The following CLPB variants were observed in gnomAD, a reference collection of about 807,000 sequenced individuals.
CLPB encodes the protein ClpB family mitochondrial disaggregase.
CLPB carries 40 observed loss-of-function variants against 78.4 expected under a neutral mutation model. The observed-to-expected ratio is 0.51, with a 90% CI of 0.40 to 0.66. The LOEUF is 0.66. CLPB is among the 30% of genes least tolerant of loss of function. The probability of loss-of-function intolerance (pLI) is 0.00; values close to 1 mark genes in which losing one functional copy is unlikely to be tolerated. For synonymous variants in CLPB, 333 were observed against 348.0 expected (o/e 0.96, Z 0.48); for missense variants, 780 against 886.9 (o/e 0.88, Z 1.53).
intron 6 of CLPB, among the ~76,000 whole-genome samples, chr11:72,318,591 T>C (rs1949991550): frequency 6.6e-6 from 1 of 152,180 alleles, no homozygotes; most frequent in African/African-American, 2.4e-5. Flanking sequence ...TGGTTGCAGA[T>C]TGCTCTTGCG....
intron 9 of CLPB, among the ~76,000 whole-genome samples, chr11:72,304,515 A>G (rs1949712963): frequency 6.6e-6 from 1 of 152,242 alleles, no homozygotes; most frequent in Admixed American, 6.5e-5. Context: ...ATGATATCAC[A>G]GAACACCATT....
At position 72,286,259 on chromosome 11, in the gene CLPB, G is replaced by T; in HGVS notation, c.*7108C>A. ...TTTTTTTTTTTTTAAGAGATAGGGTGTCACTCTGCCACCCAGCCTGGAGTG... is the reference window on the plus strand; with the variant it reads ...TTTTTTTTTTTTTAAGAGATAGGGTTTCACTCTGCCACCCAGCCTGGAGTG... On this transcript the variant is annotated 3_prime_UTR_variant, in exon 16 of 16. Transcript: ENST00000538039. 1.8e-5 allele frequency: 1 copy of T among 54,904 alleles called. No individual in the cohort carries two copies. The highest frequency in any genetic ancestry group is 4.1e-5 in the Non-Finnish European group (1 of 24,562). 3.4% of individuals were successfully genotyped at this position (54,904 alleles called of 1,614,324 possible).
chr11:72,331,577 T>G (rs1456875541), intron 5 of CLPB, among the ~76,000 whole-genome samples: 10 of 131,698 alleles, frequency 7.6e-5, no homozygotes, highest in Admixed American at 5.9e-4. Flanking sequence ...TCTGTTTTTT[T>G]TTTTTTTTTT....
At chr11:72,423,998 G>A (rs988551928) in intron 2 of CLPB, among the ~76,000 whole-genome samples, 2 of 152,114 alleles carry the variant, frequency 1.3e-5, no homozygotes, top group African/African-American at 4.8e-5. Flanking sequence ...TTTGATCTAG[G>A]ACTTTGATCT....
At chr11:72,373,815 G>T (rs1951087757) in intron 4 of CLPB, among the ~76,000 whole-genome samples, 1 of 151,926 alleles carries the variant, frequency 6.6e-6, no homozygotes, top group Non-Finnish European at 1.5e-5. Context: ...ATAAAAATTA[G>T]CCGGGCGTGG....
At chr11:72,395,210 G>A (rs903391627) in intron 3 of CLPB, among the ~76,000 whole-genome samples, 1 of 152,162 alleles carries the variant, frequency 6.6e-6, no homozygotes, top group Admixed American at 6.5e-5. Flanking sequence ...TTTTCTGAGT[G>A]TCAGCTTTCT....
chr11:72,406,804 G>A (rs1024635808), intron 2 of CLPB, among the ~76,000 whole-genome samples: 2 of 152,168 alleles, frequency 1.3e-5, no homozygotes, highest in African/African-American at 4.8e-5. Flanking sequence ...CAGAGAGAGA[G>A]GTTCTTGCTT....
intron 3 of CLPB, among the ~76,000 whole-genome samples, 156 bp from the exon 4 acceptor site, chr11:72,380,540 A>G (rs1384894720): frequency 6.6e-6 from 1 of 152,208 alleles, no homozygotes; most frequent in African/African-American, 2.4e-5. Flanking sequence ...GTAAAAGACA[A>G]GGATAGGAAA....
At chr11:72,402,538 C>A (rs1208484883) in intron 3 of CLPB, among the ~76,000 whole-genome samples, 2 of 152,098 alleles carry the variant, frequency 1.3e-5, no homozygotes, top group African/African-American at 2.4e-5. Context: ...GGAAAGAAGC[C>A]CCCATCTTTC....
At chr11:72,398,814 GCTGT>G (rs1855482265) in intron 3 of CLPB, among the ~76,000 whole-genome samples, 2 of 152,280 alleles carry the variant, frequency 1.3e-5, no homozygotes, top group East Asian at 3.9e-4. Context: ...CTATACCCAA[GCTGT>G]TACTAGGGCT....
rs760060214 is a variant in CLPB at position 72,307,274 on chromosome 11, A to G, written c.1067-20T>C. ...TTTTTCCTAGTAAGAAAGAAGGGGGAGGTGTTGGGTTAGAACCAGGTGACT... is the reference window on the plus strand; with the variant it reads ...TTTTTCCTAGTAAGAAAGAAGGGGGGGGTGTTGGGTTAGAACCAGGTGACT... On this transcript the variant is annotated intron_variant, in intron 8 of 15. Coordinates refer to ENST00000538039, the MANE Select transcript of CLPB (RefSeq NM_001258392.3). 3.1e-6 allele frequency: 5 copies of G among 1,611,466 alleles called. No homozygotes were observed. In the Admixed American group the frequency reaches 6.7e-5, roughly 22 times the overall value.
At chr11:72,293,879 G>A in intron 15 of CLPB, 143 bp downstream of exon 15, 1 of 769,962 alleles carries the variant, frequency 1.3e-6, no homozygotes, top group South Asian at 1.7e-5. Context: ...ATGTGTTTAT[G>A]GTTCTGAATG....
intron 5 of CLPB, chr11:72,336,921 G>C (rs1387754694): frequency 5.1e-6 from 2 of 394,818 alleles, no homozygotes; most frequent in Non-Finnish European, 8.9e-6. Flanking sequence ...CCCAGATCCT[G>C]CCCATTCTTC....
chr11:72,398,807 T>C (rs1160434845), intron 3 of CLPB, among the ~76,000 whole-genome samples: 1 of 152,184 alleles, frequency 6.6e-6, no homozygotes, highest in African/African-American at 2.4e-5. Context: ...GTCAATACTA[T>C]ACCCAAGCTG....
At chr11:72,327,481 A>G (rs1475535269) in intron 6 of CLPB, among the ~76,000 whole-genome samples, 3 of 152,192 alleles carry the variant, frequency 2.0e-5, no homozygotes, top group Non-Finnish European at 4.4e-5. Flanking sequence ...TTAGCCCTGT[A>G]ATAATGTGGC....
chr11:72,375,102 C>T (rs1442745349), intron 4 of CLPB, among the ~76,000 whole-genome samples: 1 of 152,178 alleles, frequency 6.6e-6, no homozygotes, highest in Non-Finnish European at 1.5e-5. Context: ...TCCCAAAGAT[C>T]ACCTTTAGGA....
In CLPB at chr11:72,312,026, C is replaced by T. The variant is rs563433359; in HGVS notation, c.989-3422G>A. Among the ~76,000 whole-genome samples, 35 of 152,296 alleles carry T rather than the reference C, an allele frequency of 2.3e-4. No individual in the cohort carries two copies. The highest frequency in any genetic ancestry group is 4.6e-4 in the Non-Finnish European group (31 of 68,022). ...TATTCTCTGGCATGCATTCATCTACCGGGTGGTATAGTGGAGAGGGCAGGA... is the reference window on the plus strand; with the variant it reads ...TATTCTCTGGCATGCATTCATCTACTGGGTGGTATAGTGGAGAGGGCAGGA... On this transcript the variant is annotated intron_variant, in intron 7 of 15. Transcript: ENST00000538039. The surrounding 1 kb of genome is among the most constrained non-coding windows in gnomAD (Gnocchi z 4.2).
intron 1 of CLPB, among the ~76,000 whole-genome samples, chr11:72,433,540 G>GAAATAAATAAATAAAT (rs563884899): frequency 7.2e-6 from 1 of 138,588 alleles, no homozygotes; most frequent in South Asian, 2.4e-4. Flanking sequence ...CTCCATCTCA[G>GAAATAAATAAATAAAT]AAATAAATAA....
At chr11:72,408,441 G>A (rs777407944) in intron 2 of CLPB, among the ~76,000 whole-genome samples, 30 of 152,150 alleles carry the variant, frequency 2.0e-4, no homozygotes, top group Admixed American at 8.5e-4. Flanking sequence ...GCCAAGGTGA[G>A]TGGATCATGA....
Sources: gnomAD v4.1 joint callset for allele counts (sites outside exome capture counted in the v4.1 genomes callset) on GRCh38, gnomAD v4.1.1 for gene constraint, Gnocchi (gnomAD v3.1) non-coding constraint, MANE v1.5 for transcripts, NCBI Gene and HGNC (gene_info 2026-07-23, HGNC 2026-07-21) for gene names.